STAR: variants seen among roughly 807,000 people sequenced by gnomAD.
The protein encoded by STAR is steroidogenic acute regulatory protein.
Under a neutral mutation model 32.3 loss-of-function variants are expected in STAR, and 32 were observed. That is an observed-to-expected ratio of 0.99 (90% CI 0.75 to 1.33). The LOEUF (loss-of-function observed/expected upper bound fraction) is 1.33. Among genes scored for constraint, STAR ranks in the 40% most tolerant of loss-of-function variants. STAR has a pLI of 0.00. For synonymous variants in STAR, 134 were observed against 140.5 expected (o/e 0.95, Z 0.33); for missense variants, 375 against 379.0 (o/e 0.99, Z 0.09).
In STAR at chr8:38,146,026, G is replaced by A. The variant is rs145076739; in HGVS notation, c.587C>T (p.Thr196Ile). The change falls in exon 5 of 7, where the codon ACC becomes ATC. Residue 196 changes from threonine to isoleucine, a missense_variant. By Grantham distance (89) the Thr-to-Ile change is moderately conservative. Transcript: ENST00000276449. ...SVRCAKRRGS[T>I]CVLAGMATDF... ...TGTGGCCATGCCAGCCAGCACACAG[G>A]TGGAGCCTCGGCGCTTGGCACAGCG... The A allele has an allele frequency of 5.6e-6, 9 of 1,614,228 alleles. No homozygotes were observed. The highest frequency in any genetic ancestry group is 2.2e-5 in the East Asian group (1 of 44,884).
At chr8:38,145,562 G>A in intron 5 of STAR, 1 of 588,438 alleles carries the variant, frequency 1.7e-6, no homozygotes, top group Non-Finnish European at 3.0e-6. Context: ...CTGGATTACT[G>A]GGATGTCAGG....
chr8:38,149,860 A>G (rs1802637774), intron 1 of STAR, among the ~76,000 whole-genome samples: 1 of 152,200 alleles, frequency 6.6e-6, no homozygotes, highest in Non-Finnish European at 1.5e-5. Flanking sequence ...GCTGAGCGCC[A>G]TGGCTCATGC....
intron 6 of STAR, 134 bp downstream of exon 6, chr8:38,145,088 A>G: frequency 6.5e-7 from 1 of 1,533,558 alleles, no homozygotes; most frequent in Non-Finnish European, 8.7e-7. Flanking sequence ...CCATCACTCC[A>G]GACCCTTCCC....
At position 38,143,800 on chromosome 8, in the gene STAR, T is replaced by C. The variant is rs1011140657; in HGVS notation, c.*473A>G. On this transcript the variant is annotated 3_prime_UTR_variant, in exon 7 of 7. Coordinates refer to ENST00000276449, the MANE Select transcript of STAR (RefSeq NM_000349.3). ...GTGGGGTGCTGCTTGTTCTGTGGTG[T>C]TGCTGTGCAGCGGCCGGGAGGAGCA... 4 of 231,928 alleles carry C rather than the reference T, an allele frequency of 1.7e-5. No homozygotes were observed. Among genetic ancestry groups the C allele is most frequent in the Non-Finnish European group, 3.5e-5 (4 of 115,352 alleles). 14.4% of individuals were successfully genotyped at this position (231,928 alleles called of 1,614,324 possible). A position where few individuals can be genotyped will look rare whatever the true frequency, so the allele number is the denominator to read the frequency against.
At chr8:38,144,527 G>A in intron 6 of STAR, 141 bp from the exon 7 acceptor site, 1 of 1,507,852 alleles carries the variant, frequency 6.6e-7, no homozygotes, top group Non-Finnish European at 8.9e-7. Flanking sequence ...CCCAGTCAAG[G>A]GCGGGAGGAC....
chr8:38,144,442 C>G (rs1175312051), intron 6 of STAR, 56 bp from the exon 7 acceptor site: 1 of 1,549,622 alleles, frequency 6.5e-7, no homozygotes, highest in Non-Finnish European at 8.7e-7. Flanking sequence ...CCACTCTTGA[C>G]ACTGCACCCT....
At chr8:38,148,457 G>A in intron 2 of STAR, 130 bp from the exon 3 acceptor site, 1 of 1,500,118 alleles carries the variant, frequency 6.7e-7, no homozygotes, top group Non-Finnish European at 9.1e-7. Flanking sequence ...CCAGCCTGCT[G>A]GTCGAGTTAA....
chr8:38,150,540 G>A (rs979683588), intron 1 of STAR, among the ~76,000 whole-genome samples: 5 of 152,136 alleles, frequency 3.3e-5, no homozygotes, highest in African/African-American at 1.2e-4. Context: ...AAAGATTGGA[G>A]TCCTGGAGGG....
At chr8:38,148,504 C>G in intron 2 of STAR, 137 bp downstream of exon 2, 1 of 1,340,562 alleles carries the variant, frequency 7.5e-7, no homozygotes, top group South Asian at 1.2e-5. Context: ...GGGATCTGGC[C>G]TTGAGGAACT....
At chr8:38,144,411 G>A (rs1203420199) in intron 6 of STAR, 25 bp from the exon 7 acceptor site, 3 of 1,566,664 alleles carry the variant, frequency 1.9e-6, no homozygotes, top group Non-Finnish European at 2.6e-6. Flanking sequence ...AGGAGAATTT[G>A]GCCATCTTGT....
chr8:38,144,038 T>C lies in STAR; in HGVS notation c.*235A>G. 2 of 502,864 alleles carry C rather than the reference T, an allele frequency of 4.0e-6. No homozygotes were observed. The highest frequency in any genetic ancestry group is 7.4e-6 in the Non-Finnish European group (2 of 271,314). The allele number at this position is 502,864 out of a possible 1,614,324, so 31.2% of individuals were successfully genotyped here. A position where few individuals can be genotyped will look rare whatever the true frequency, so the allele number is the denominator to read the frequency against. Reference sequence around the variant, plus strand: ...ATTATTTTAGGGGCCTGAACCCTCATGTCATAGCTAATCAGTGAATGAAGT... The same window carrying C: ...ATTATTTTAGGGGCCTGAACCCTCACGTCATAGCTAATCAGTGAATGAAGT... On this transcript the variant is annotated 3_prime_UTR_variant, in exon 7 of 7. Coordinates refer to ENST00000276449, the MANE Select transcript of STAR (RefSeq NM_000349.3).
rs1802659798 is a variant in STAR, at chr8:38,150,926, A to C, written c.-108T>G. The stretch of plus-strand genomic sequence containing the variant: ...TTCTTCGTCCTTCCTGAGCCCCTCA[A>C]GCTTCGCCTCTGAGTCCCGCAGCTG... On this transcript the variant is annotated 5_prime_UTR_variant, in exon 1 of 7. Transcript: ENST00000276449. 6.3e-7 allele frequency: 1 copy of C among 1,596,324 alleles called. No individual in the cohort carries two copies. Among genetic ancestry groups the C allele is most frequent in the Non-Finnish European group, 8.5e-7 (1 of 1,178,678 alleles).
At position 38,150,748 on chromosome 8, in the gene STAR, C is replaced by G. The variant is rs769781083; in HGVS notation, c.64+7G>C. On this transcript the variant is annotated splice_region_variant and intron_variant, in intron 1 of 6. Coordinates refer to ENST00000276449, the MANE Select transcript of STAR (RefSeq NM_000349.3). ...ACCCCTCATCGCCTCCTTCCCGCAGCGCTCACCCTTCATGTTGCGCATGTG... is the reference window on the plus strand; with the variant it reads ...ACCCCTCATCGCCTCCTTCCCGCAGGGCTCACCCTTCATGTTGCGCATGTG... The G allele has an allele frequency of 8.7e-6, 14 of 1,606,456 alleles. No homozygotes were observed. The African/African-American group carries it at 1.7e-4, about 20-fold the overall frequency.
intron 1 of STAR, chr8:38,149,091 C>G (rs947356930): frequency 1.1e-5 from 4 of 359,512 alleles, no homozygotes; most frequent in Non-Finnish European, 2.2e-5. Context: ...AAGGAGAATA[C>G]AACTCCTGAG....
rs1194228608 is a variant in STAR at position 38,143,216 on chromosome 8, T to C, written c.*1057A>G. ...AATTGCATAATTTCCCAGTAGTTCC[T>C]TTCCTTTTAATGAGCCTTAATTTAG... is the stretch of plus-strand genomic sequence containing the variant. On this transcript the variant is annotated 3_prime_UTR_variant, in exon 7 of 7. Coordinates refer to ENST00000276449, the MANE Select transcript of STAR (RefSeq NM_000349.3). Among the ~76,000 whole-genome samples, 1 of 152,198 alleles carries C rather than the reference T, an allele frequency of 6.6e-6. No individual in the cohort carries two copies. Among genetic ancestry groups the C allele is most frequent in the Non-Finnish European group, 1.5e-5 (1 of 68,030 alleles).
At position 38,146,111 on chromosome 8, in the gene STAR, G is replaced by A. The variant is rs1261986901; in HGVS notation, c.502C>T (p.His168Tyr). The A allele has an allele frequency of 3.1e-6, 5 of 1,614,198 alleles. No individual in the cohort carries two copies. In the Admixed American group the frequency reaches 5.0e-5, roughly 16 times the overall value. The change falls in exon 5 of 7, where the codon CAC becomes TAC. Residue 168 changes from histidine to tyrosine, a missense_variant. Coordinates refer to ENST00000276449, the MANE Select transcript of STAR (RefSeq NM_000349.3). ...QKIGKDTFITHELAAEAAGNL... is the reference protein window; with the variant it reads ...QKIGKDTFITYELAAEAAGNL... The stretch of plus-strand genomic sequence containing the variant: ...CCTGCTGCCTCGGCAGCCAGCTCGT[G>A]AGTAATGAATGTATCTTTTCCGATC...
chr8:38,144,531 G>T (rs1313194170), intron 6 of STAR, 145 bp from the exon 7 acceptor site: 2 of 1,504,226 alleles, frequency 1.3e-6, no homozygotes, highest in African/African-American at 1.4e-5. Flanking sequence ...GTCAAGGGCG[G>T]GAGGACTGCA....
rs979758258 is a variant in STAR at position 38,143,067 on chromosome 8, A to G, written c.*1206T>C. On this transcript the variant is annotated 3_prime_UTR_variant, in exon 7 of 7. Coordinates refer to ENST00000276449, the MANE Select transcript of STAR (RefSeq NM_000349.3). Reference sequence around the variant, plus strand: ...TTAATTAGGTAAATAAACAGTTATAATCTTCATCTTCCAGGGCCCATTAAT... The same window carrying G: ...TTAATTAGGTAAATAAACAGTTATAGTCTTCATCTTCCAGGGCCCATTAAT... Among the ~76,000 whole-genome samples, 3 of 151,828 alleles carry G rather than the reference A, an allele frequency of 2.0e-5. No individual in the cohort carries two copies. Among genetic ancestry groups the G allele is most frequent in the African/African-American group, 7.3e-5 (3 of 41,102 alleles).
rs1802512553 is a variant in STAR, at chr8:38,143,897, C to T, written c.*376G>A. 1 of 341,612 alleles carries T rather than the reference C, an allele frequency of 2.9e-6. No homozygotes were observed. The allele number at this position is 341,612 out of a possible 1,614,324, so 21.2% of individuals were successfully genotyped here. On this transcript the variant is annotated 3_prime_UTR_variant, in exon 7 of 7. Coordinates refer to ENST00000276449, the MANE Select transcript of STAR (RefSeq NM_000349.3). ...TGCCAGCGCATGGCATTCTTGAGCC[C>T]ATAAAGCAAGACTTCTCAGGCCCTG...
Sources: allele counts gnomAD v4.1 joint callset (sites outside exome capture counted in the v4.1 genomes callset), GRCh38; gene constraint gnomAD v4.1.1; transcripts MANE v1.5; gene names NCBI Gene and HGNC (gene_info 2026-07-23, HGNC 2026-07-21).